The following KANSL1 variants were observed in gnomAD, a reference collection of about 807,000 sequenced individuals.
KANSL1 encodes the protein MLL1/MLL complex subunit KANSL1.
KANSL1 carries 22 observed loss-of-function variants against 103.6 expected under a neutral mutation model. That is an observed-to-expected ratio of 0.21 (90% CI 0.15 to 0.30). The LOEUF (loss-of-function observed/expected upper bound fraction) is 0.30. Among genes scored for constraint, KANSL1 ranks in the 10% least tolerant of loss-of-function variants. The pLI is 1.00. For missense variants in KANSL1, 1,337 were observed against 1,399.8 expected (o/e 0.96, Z 0.72); for synonymous variants, 600 against 527.6 (o/e 1.14, Z -1.88).
At chr17:46,042,884 A>G (rs925374606) in intron 7 of KANSL1, 1 of 151,844 alleles carries the variant, frequency 6.6e-6, no homozygotes, top group Non-Finnish European at 1.5e-5. Context: ...ATGACAGTGA[A>G]ACAAATTAGG....
At chr17:46,136,801 C>G (rs2044167645) in intron 2 of KANSL1, among the ~76,000 whole-genome samples, 1 of 152,176 alleles carries the variant, frequency 6.6e-6, no homozygotes, top group South Asian at 2.1e-4. Context: ...GCACTTTTGT[C>G]CAAGGTGGCA....
At chr17:46,081,737 A>C (rs185108221) in intron 4 of KANSL1, among the ~76,000 whole-genome samples, 20 of 152,350 alleles carry the variant, frequency 1.3e-4, no homozygotes, top group Admixed American at 8.5e-4. Context: ...ATCACTTCAC[A>C]CTAGCTTTAT....
At chr17:46,037,918 T>TG (rs1568372370) in intron 10 of KANSL1, 1 of 152,334 alleles carries the variant, frequency 6.6e-6, no homozygotes, top group African/African-American at 2.4e-5. Flanking sequence ...TGCTTCCAGA[T>TG]GGAGTGTGGT....
At chr17:46,194,732 A>G (rs889810907), upstream of KANSL1, among the ~76,000 whole-genome samples, 1 of 152,260 alleles carries the variant, frequency 6.6e-6, no homozygotes, top group Admixed American at 6.5e-5. Flanking sequence ...AGGAAGACGC[A>G]AAATGCTTCA....
intron 2 of KANSL1, among the ~76,000 whole-genome samples, chr17:46,155,976 C>T (rs2045405595): frequency 2.0e-5 from 3 of 152,164 alleles, no homozygotes; most frequent in South Asian, 4.1e-4. Flanking sequence ...CTTGTGATAG[C>T]TATTACTCAA....
At position 46,033,166 on chromosome 17, in the gene KANSL1, G is replaced by A. The variant is rs36076725; in HGVS notation, c.2751C>T (p.Phe917=). 0.19 allele frequency: 301,281 copies of A among 1,600,854 alleles called. 32,471 individuals carry two copies. The highest frequency in any genetic ancestry group is 0.22 in the Non-Finnish European group (258,812 of 1,172,022). ...CCTCACATTTGGCATGCAGGGCGGC[G>A]AAGGCTGCGTCGGATAGGTCCTCAA... is the stretch of plus-strand genomic sequence containing the variant. The part of the protein sequence containing the change: ...EEIEDLSDAA[F]AALHAKCEEM... The change falls in exon 13 of 15, where the codon TTC becomes TTT. Residue 917 remains phenylalanine, a synonymous_variant. Transcript: ENST00000432791.
intron 6 of KANSL1, among the ~76,000 whole-genome samples, chr17:46,058,303 G>A (rs1290990642): frequency 2.0e-5 from 3 of 152,180 alleles, no homozygotes; most frequent in Non-Finnish European, 2.9e-5. Flanking sequence ...AGCCTGAGAG[G>A]CTTTTAAACT....
chr17:46,044,179 C>T (rs998182253), intron 7 of KANSL1: 4 of 152,112 alleles, frequency 2.6e-5, no homozygotes, highest in African/African-American at 9.7e-5. Flanking sequence ...CTAGAGGTCT[C>T]CTACATTCCA....
intron 1 of KANSL1, among the ~76,000 whole-genome samples, chr17:46,189,920 A>AAC (rs2047229330): frequency 6.6e-6 from 1 of 152,018 alleles, no homozygotes; most frequent in African/African-American, 2.4e-5. Context: ...AAAAAAAAAA[A>AAC]AAAAAATTGC....
At chr17:46,065,052 T>C (rs2078327744) in intron 6 of KANSL1, among the ~76,000 whole-genome samples, 1 of 151,942 alleles carries the variant, frequency 6.6e-6, no homozygotes, top group South Asian at 2.1e-4. Flanking sequence ...CATGGTTCAC[T>C]GCAGTGTCAA....
chr17:46,039,654 G>A (rs766092464), intron 8 of KANSL1, 48 bp downstream of exon 8: 2 of 1,567,812 alleles, frequency 1.3e-6, no homozygotes, highest in Non-Finnish European at 1.7e-6. Context: ...TAAAAGGAAT[G>A]AAAAGTCACT....
At chr17:46,211,422 G>A (rs1264721359) in intron 1 of KANSL1, among the ~76,000 whole-genome samples, 1 of 152,212 alleles carries the variant, frequency 6.6e-6, no homozygotes, top group African/African-American at 2.4e-5. Context: ...ATCTCATAAT[G>A]TTTTAAGAAA....
At chr17:46,048,246 CCATAA>C (rs1354649918) in intron 7 of KANSL1, among the ~76,000 whole-genome samples, 1 of 151,996 alleles carries the variant, frequency 6.6e-6, no homozygotes, top group Non-Finnish European at 1.5e-5. Context: ...ACACAAACAG[CCATAA>C]CATAATTCAT....
upstream of KANSL1, among the ~76,000 whole-genome samples, chr17:46,195,294 G>C (rs1249536377): frequency 2.0e-5 from 3 of 152,214 alleles, no homozygotes; most frequent in African/African-American, 7.2e-5. Flanking sequence ...TCTTACTGCT[G>C]CTCCAAATTT....
chr17:46,170,372 C>G (rs948735294), intron 2 of KANSL1: 3 of 161,616 alleles, frequency 1.9e-5, no homozygotes, highest in Non-Finnish European at 4.0e-5. Flanking sequence ...AAGAAAATCT[C>G]AAGTGTTAAA....
At chr17:46,220,851 C>T (rs1385997110) in intron 1 of KANSL1, among the ~76,000 whole-genome samples, 2 of 152,056 alleles carry the variant, frequency 1.3e-5, no homozygotes, top group Admixed American at 6.5e-5. Context: ...CATGCCCCAG[C>T]TAGTTTTTAT....
At chr17:46,139,275 A>G (rs2044300718) in intron 2 of KANSL1, among the ~76,000 whole-genome samples, 1 of 148,590 alleles carries the variant, frequency 6.7e-6, no homozygotes, top group South Asian at 2.1e-4. Flanking sequence ...TTTGGAACCA[A>G]GTTTAAAATC....
rs571190174 is a variant in KANSL1 at position 46,048,689 on chromosome 17, G to A, written c.2020+1844C>T. On this transcript the variant is annotated intron_variant, in intron 7 of 14. Coordinates refer to ENST00000432791, the MANE Select transcript of KANSL1 (RefSeq NM_015443.4). ...ATTCAATGAAACCAATCCAGATTAT[G>A]AAAGCGCTGGCTTCCATCTAGAATA... Among the ~76,000 whole-genome samples, 76 of 152,350 alleles carry A rather than the reference G, an allele frequency of 5.0e-4. 1 individual carries two copies. The highest frequency in any genetic ancestry group is 1.8e-3 in the African/African-American group (74 of 41,586).
intron 1 of KANSL1, among the ~76,000 whole-genome samples, chr17:46,175,352 GT>G: frequency 6.7e-6 from 1 of 148,712 alleles, no homozygotes; most frequent in South Asian, 2.1e-4. Context: ...GTGTGTGTGT[GT>G]GTGTGTGTGT....
Sources: gnomAD v4.1 joint callset for allele counts (sites outside exome capture counted in the v4.1 genomes callset) on GRCh38, gnomAD v4.1.1 for gene constraint, MANE v1.5 for transcripts, NCBI Gene and HGNC (gene_info 2026-07-23, HGNC 2026-07-21) for gene names.